The following NF1 variants were observed in gnomAD, a reference collection of about 807,000 sequenced individuals.
The protein encoded by NF1 is neurofibromin 1.
NF1 carries 122 observed loss-of-function variants against 325.7 expected under a neutral mutation model. The ratio of observed to expected loss-of-function variants is 0.37; its 90% CI spans 0.32 to 0.44. The LOEUF is 0.44. Among genes scored for constraint, NF1 ranks in the 20% least tolerant of loss-of-function variants. The pLI, the probability that NF1 is intolerant of heterozygous loss-of-function variation, is 1.00. For missense variants in NF1, 2,140 were observed against 3,415.4 expected (o/e 0.63, Z 9.31); for synonymous variants, 1,091 against 1,186.0 (o/e 0.92, Z 1.65).
At chr17:31,244,307 C>T (rs918030009) in intron 29 of NF1, among the ~76,000 whole-genome samples, 2 of 152,092 alleles carry the variant, frequency 1.3e-5, no homozygotes, top group African/African-American at 4.8e-5. Context: ...TGTAAGCATT[C>T]CCTTGGTTGC....
At chr17:31,302,011 A>G (rs1362091128) in intron 36 of NF1, among the ~76,000 whole-genome samples, 1 of 152,114 alleles carries the variant, frequency 6.6e-6, no homozygotes, top group Non-Finnish European at 1.5e-5. Flanking sequence ...ATTAGTTTGT[A>G]TCTCTTCCTG....
intron 8 of NF1, among the ~76,000 whole-genome samples, chr17:31,183,631 A>G (rs2066178209): frequency 6.6e-6 from 1 of 152,222 alleles, no homozygotes; most frequent in African/African-American, 2.4e-5. Context: ...TGAAGGATAC[A>G]AAGTATTGAT....
intron 29 of NF1, among the ~76,000 whole-genome samples, chr17:31,242,537 T>C (rs1204719053): frequency 6.6e-6 from 1 of 152,188 alleles, no homozygotes; most frequent in Non-Finnish European, 1.5e-5. Flanking sequence ...TCAAGCTTGC[T>C]AATTCTTCTG....
At chr17:31,225,483 G>A (rs1329988896) in intron 17 of NF1, among the ~76,000 whole-genome samples, 1 of 152,032 alleles carries the variant, frequency 6.6e-6, no homozygotes, top group Non-Finnish European at 1.5e-5. Context: ...TTGTTAAAGA[G>A]GGTTAAATAA....
intron 57 of NF1, among the ~76,000 whole-genome samples, chr17:31,371,632 TGATTA>T (rs530918612): frequency 2.4e-4 from 36 of 152,338 alleles, no homozygotes; most frequent in East Asian, 9.6e-4. Context: ...TCTATGCATA[TGATTA>T]GATTAGATTA....
intron 1 of NF1, among the ~76,000 whole-genome samples, chr17:31,117,672 CAAA>C (rs780828438): frequency 3.6e-3 from 71 of 19,768 alleles, no homozygotes; most frequent in African/African-American, 8.2e-3. Context: ...AACTCCATCT[CAAA>C]AAAAAAAAAA....
intron 5 of NF1, 150 bp downstream of exon 5, chr17:31,170,147 G>C: frequency 1.6e-6 from 1 of 610,588 alleles, no homozygotes; most frequent in Non-Finnish European, 2.9e-6. Flanking sequence ...TAATACAAAT[G>C]GGTAATTATT....
At chr17:31,184,666 A>AT (rs779898164) in intron 8 of NF1, among the ~76,000 whole-genome samples, 1,849 of 140,576 alleles carry the variant, frequency 0.013, 61 homozygotes, top group Non-Finnish European at 0.019. Context: ...AAAATAAAAA[A>AT]AAAAAATAAA....
intron 12 of NF1, among the ~76,000 whole-genome samples, chr17:31,213,647 G>A (rs973404746): frequency 2.6e-5 from 4 of 152,112 alleles, no homozygotes; most frequent in African/African-American, 4.8e-5. Flanking sequence ...GTTAGCTCTG[G>A]AATATAATTG....
intron 1 of NF1, among the ~76,000 whole-genome samples, chr17:31,149,247 C>T (rs1916767744): frequency 6.6e-6 from 1 of 151,736 alleles, no homozygotes. Context: ...GCTCTTTCAG[C>T]ATATATAAAT....
intron 36 of NF1, among the ~76,000 whole-genome samples, chr17:31,268,719 G>A: frequency 6.6e-6 from 1 of 151,534 alleles, no homozygotes; most frequent in East Asian, 1.9e-4. Flanking sequence ...TTGTTTTTGA[G>A]ACAGGGTCTC....
intron 1 of NF1, among the ~76,000 whole-genome samples, chr17:31,112,041 C>T (rs1334025536): frequency 6.6e-6 from 1 of 152,086 alleles, no homozygotes; most frequent in African/African-American, 2.4e-5. Context: ...ACCATCACCA[C>T]AATCAAGATG....
chr17:31,210,509 C>T (rs1018693428), intron 12 of NF1, among the ~76,000 whole-genome samples: 6 of 151,978 alleles, frequency 3.9e-5, no homozygotes, highest in Non-Finnish European at 8.8e-5. Context: ...TGCTTGAACC[C>T]GGGAGGCGGA....
chr17:31,145,373 G>T (rs918274827), intron 1 of NF1, among the ~76,000 whole-genome samples: 2 of 151,906 alleles, frequency 1.3e-5, no homozygotes, highest in African/African-American at 4.8e-5. Context: ...TTGTATTTTT[G>T]GGTTTCACGA....
At chr17:31,132,908 C>T (rs1414272751) in intron 1 of NF1, among the ~76,000 whole-genome samples, 1 of 152,106 alleles carries the variant, frequency 6.6e-6, no homozygotes, top group South Asian at 2.1e-4. Flanking sequence ...CTCAGGTGAT[C>T]CACCTGCTTC....
intron 38 of NF1, among the ~76,000 whole-genome samples, chr17:31,328,112 T>A (rs1426144239): frequency 6.6e-6 from 1 of 152,172 alleles, no homozygotes; most frequent in Non-Finnish European, 1.5e-5. Flanking sequence ...GTATCCTAAA[T>A]TAAGTTTTTC....
intron 2 of NF1, among the ~76,000 whole-genome samples, chr17:31,158,071 A>G (rs1404595056): frequency 1.3e-5 from 2 of 152,008 alleles, no homozygotes; most frequent in Non-Finnish European, 2.9e-5. Flanking sequence ...CCTTTAACAA[A>G]TCTCTACCCA....
intron 36 of NF1, among the ~76,000 whole-genome samples, chr17:31,288,804 C>T (rs188237078): frequency 6.6e-6 from 1 of 152,224 alleles, no homozygotes; most frequent in Admixed American, 6.5e-5. Context: ...ATTGAGGTTA[C>T]AGGTGTGAGC....
rs2067522532 is a variant in NF1 at position 31,253,058 on chromosome 17, G to GC, written c.4173+59dup. The GC allele has an allele frequency of 6.4e-6, 9 of 1,406,194 alleles. No individual in the cohort carries two copies. The South Asian group carries it at 1.1e-4, about 17-fold the overall frequency. The allele number at this position is 1,406,194 out of a possible 1,614,324, so 87.1% of individuals were successfully genotyped here. A position where few individuals can be genotyped will look rare whatever the true frequency, so the allele number is the denominator to read the frequency against. ...TTTCAAAGCAAAACAAAAATCTTTT[G>GC]CTGTTTGTTAAGAATATCTTCACTT... On this transcript the variant is annotated intron_variant, in intron 31 of 57. Transcript: ENST00000358273.
Sources: allele counts gnomAD v4.1 joint callset (sites outside exome capture counted in the v4.1 genomes callset), GRCh38; gene constraint gnomAD v4.1.1; transcripts MANE v1.5; gene names NCBI Gene and HGNC (gene_info 2026-07-23, HGNC 2026-07-21).